SHROOM3: variants seen among roughly 807,000 people sequenced by gnomAD.
The protein encoded by SHROOM3 is protein Shroom3.
Under a neutral mutation model 138.6 loss-of-function variants are expected in SHROOM3, and 47 were observed. That is an observed-to-expected ratio of 0.34 (90% CI 0.27 to 0.43). The LOEUF (loss-of-function observed/expected upper bound fraction) is 0.43, where lower values mean the gene tolerates loss of function less well. SHROOM3 is among the 20% of genes least tolerant of loss of function. The probability of loss-of-function intolerance (pLI) is 1.00; values close to 1 mark genes in which losing one functional copy is unlikely to be tolerated. For missense variants in SHROOM3, 2,491 were observed against 2,596.5 expected, an observed-to-expected ratio of 0.96 and a Z score of 0.88; for synonymous variants, 1,062 against 1,063.3, an observed-to-expected ratio of 1.00 and a Z score of 0.02.
chr4:76,604,887 A>C (rs1049878844), intron 2 of SHROOM3, among the ~76,000 whole-genome samples: 3 of 152,242 alleles, frequency 2.0e-5, no homozygotes, highest in Non-Finnish European at 4.4e-5. Flanking sequence ...GGAGTTACTT[A>C]TCTATGAAAC....
chr4:76,674,735 T>G (rs1449847262), intron 2 of SHROOM3, among the ~76,000 whole-genome samples: 2 of 151,884 alleles, frequency 1.3e-5, no homozygotes, highest in Non-Finnish European at 2.9e-5. Flanking sequence ...TTGCATTTTT[T>G]GTAGAGCCAG....
chr4:76,437,019 G>GA (rs1730577190), intron 1 of SHROOM3, among the ~76,000 whole-genome samples: 1 of 152,166 alleles, frequency 6.6e-6, no homozygotes, highest in African/African-American at 2.4e-5. Context: ...AATTAAGGGA[G>GA]AAAAAATTTT....
At chr4:76,590,183 C>A (rs1340562972) in intron 2 of SHROOM3, among the ~76,000 whole-genome samples, 1 of 152,176 alleles carries the variant, frequency 6.6e-6, no homozygotes, top group Non-Finnish European at 1.5e-5. Flanking sequence ...CTCACCTGAA[C>A]AACTCAAAAC....
chr4:76,739,087 G>T lies in SHROOM3; in HGVS notation c.914G>T (p.Arg305Leu). The T allele has an allele frequency of 6.2e-7, 1 of 1,614,206 alleles. No individual in the cohort carries two copies. Among genetic ancestry groups the T allele is most frequent in the Non-Finnish European group, 8.5e-7 (1 of 1,180,034 alleles). Residue 305 changes from arginine (R) to leucine (L), a missense_variant, in exon 5 of 11, where the codon CGC (arginine) becomes CTC (leucine). By Grantham distance (102) the Arg-to-Leu change is moderately radical. Transcript: ENST00000296043. ...LLEGMRQADI[R>L]YVKTVYDTRR... ...GAAGGGATGAGGCAGGCAGATATTC[G>T]CTATGTCAAGACAGTCTATGACACC...
chr4:76,764,812 A>T (rs544970169), intron 9 of SHROOM3, among the ~76,000 whole-genome samples: 9 of 152,182 alleles, frequency 5.9e-5, no homozygotes, highest in African/African-American at 1.9e-4. Flanking sequence ...GGATGGACTT[A>T]GTTTTCTTTG....
chr4:76,756,405 T>G (rs72663240), intron 7 of SHROOM3, 44 bp from the exon 8 acceptor site: 2 of 1,479,246 alleles, frequency 1.4e-6, no homozygotes, highest in South Asian at 1.2e-5. Flanking sequence ...CACTCTCTCT[T>G]TCTCTCTCTC....
At chr4:76,539,604 A>G (rs1227524496) in intron 1 of SHROOM3, among the ~76,000 whole-genome samples, 3 of 152,182 alleles carry the variant, frequency 2.0e-5, no homozygotes, top group Non-Finnish European at 4.4e-5. Flanking sequence ...TCCATTAACT[A>G]ACTTAATCCT....
intron 2 of SHROOM3, among the ~76,000 whole-genome samples, chr4:76,623,959 A>G (rs1164996106): frequency 6.6e-6 from 1 of 152,096 alleles, no homozygotes; most frequent in Non-Finnish European, 1.5e-5. Flanking sequence ...GAGAAATTCT[A>G]TTTTAGTTTT....
chr4:76,699,227 C>T (rs1190664228), intron 2 of SHROOM3, among the ~76,000 whole-genome samples: 2 of 152,200 alleles, frequency 1.3e-5, no homozygotes, highest in Non-Finnish European at 2.9e-5. Flanking sequence ...GTGTGCCTCC[C>T]CAACAAGACT....
chr4:76,721,310 CAAA>C (rs539572222), intron 3 of SHROOM3, among the ~76,000 whole-genome samples: 2 of 112,838 alleles, frequency 1.8e-5, no homozygotes, highest in Non-Finnish European at 1.9e-5. Context: ...GACTCCGTCT[CAAA>C]AAAAAAAAAA....
intron 2 of SHROOM3, among the ~76,000 whole-genome samples, chr4:76,702,271 T>G (rs1403878238): frequency 6.6e-6 from 1 of 152,240 alleles, no homozygotes; most frequent in African/African-American, 2.4e-5. Context: ...AATTTAATTT[T>G]TCTTTTCTTC....
chr4:76,718,955 G>A (rs1263379777), intron 3 of SHROOM3, among the ~76,000 whole-genome samples: 4 of 152,104 alleles, frequency 2.6e-5, no homozygotes, highest in Admixed American at 2.6e-4. Context: ...TCTCATTAAG[G>A]AGGAAGGTTT....
intron 1 of SHROOM3, among the ~76,000 whole-genome samples, chr4:76,519,804 A>C (rs1732525223): frequency 6.6e-6 from 1 of 152,198 alleles, no homozygotes; most frequent in African/African-American, 2.4e-5. Context: ...ATTCAGAATG[A>C]AATCTCTTTA....
chr4:76,457,607 T>A (rs145493914), intron 1 of SHROOM3, among the ~76,000 whole-genome samples: 4,783 of 151,752 alleles, frequency 0.032, 100 homozygotes, highest in Non-Finnish European at 0.046. Context: ...TTCTCCTGCC[T>A]CAGCCTCCCG....
Position 76,693,370 on chromosome 4 carries a change from GTTT to G in SHROOM3, c.324-16765_324-16763del, listed in dbSNP as rs10648549. On this transcript the variant is annotated intron_variant, in intron 2 of 10. Transcript: ENST00000296043. ...TGCATACCTTCATTTTGATAAGTTTGTTTTTTTTTTTTTTTTTTTTTTTAAAGC... is the reference window on the plus strand; with the variant it reads ...TGCATACCTTCATTTTGATAAGTTTGTTTTTTTTTTTTTTTTTTTTAAAGC... Among the ~76,000 whole-genome samples, 59 of 79,832 alleles carry G rather than the reference GTTT, an allele frequency of 7.4e-4. 1 individual carries two copies. Among genetic ancestry groups the G allele is most frequent in the African/African-American group, 2.4e-3 (47 of 19,566 alleles). 52.4% of individuals were successfully genotyped at this position (79,832 alleles called of 152,430 possible). A position where few individuals can be genotyped will look rare whatever the true frequency, so the allele number is the denominator to read the frequency against.
In SHROOM3 at chr4:76,515,213, T is replaced by TA. The variant is rs67216189; in HGVS notation, c.169-40373dup. On this transcript the variant is annotated intron_variant, in intron 1 of 10. Coordinates refer to ENST00000296043, the MANE Select transcript of SHROOM3 (RefSeq NM_020859.4). Reference sequence around the variant, plus strand: ...CTGGGTGACAGAGCAAAACTCTGTCTAAAAAAAAAAAAAAAAAAAAAAATT... The same window carrying TA: ...CTGGGTGACAGAGCAAAACTCTGTCTAAAAAAAAAAAAAAAAAAAAAAAATT... Among the ~76,000 whole-genome samples, 919 of 112,946 alleles carry TA rather than the reference T, an allele frequency of 8.1e-3. 8 individuals carry two copies. The highest frequency in any genetic ancestry group is 0.01 in the Non-Finnish European group (550 of 52,732). The allele number at this position is 112,946 out of a possible 152,430, so 74.1% of individuals were successfully genotyped here. A position where few individuals can be genotyped will look rare whatever the true frequency, so the allele number is the denominator to read the frequency against.
At chr4:76,562,692 C>T (rs1733625085) in intron 2 of SHROOM3, among the ~76,000 whole-genome samples, 2 of 152,220 alleles carry the variant, frequency 1.3e-5, no homozygotes, top group Non-Finnish European at 2.9e-5. Flanking sequence ...TCCACCCCCT[C>T]ACCTGCCTGA....
At chr4:76,581,131 T>G (rs6532490) in intron 2 of SHROOM3, among the ~76,000 whole-genome samples, 3,513 of 152,288 alleles carry the variant, frequency 0.023, 138 homozygotes, top group African/African-American at 0.078. Context: ...ATGTAACTCT[T>G]TTACCTGCTA....
chr4:76,485,444 A>C (rs1731709200), intron 1 of SHROOM3, among the ~76,000 whole-genome samples: 1 of 152,218 alleles, frequency 6.6e-6, no homozygotes, highest in South Asian at 2.1e-4. Context: ...ACAGCCATTC[A>C]TGGTGTTTTC....
Sources: gnomAD v4.1 joint callset for allele counts (sites outside exome capture counted in the v4.1 genomes callset) on GRCh38, gnomAD v4.1.1 for gene constraint, MANE v1.5 for transcripts, NCBI Gene and HGNC (gene_info 2026-07-23, HGNC 2026-07-21) for gene names.